The following DNAJC6 variants were observed in gnomAD, a reference collection of about 807,000 sequenced individuals.
The protein encoded by DNAJC6 is DnaJ heat shock protein family (Hsp40) member C6.
A neutral mutation model predicts 110.0 loss-of-function variants in DNAJC6; 34 were observed. That is an observed-to-expected ratio of 0.31 (90% CI 0.24 to 0.41). The LOEUF (loss-of-function observed/expected upper bound fraction) is 0.41, where lower values mean the gene tolerates loss of function less well. Among genes scored for constraint, DNAJC6 ranks in the 10% least tolerant of loss-of-function variants. The probability of loss-of-function intolerance (pLI) is 1.00; values close to 1 mark genes in which losing one functional copy is unlikely to be tolerated. For missense variants in DNAJC6, 1,031 were observed against 1,207.8 expected (o/e 0.85, Z 2.17); for synonymous variants, 406 against 437.2 (o/e 0.93, Z 0.89).
At chr1:65,348,337 AT>A (rs897181548) in intron 1 of DNAJC6, among the ~76,000 whole-genome samples, 1 of 152,178 alleles carries the variant, frequency 6.6e-6, no homozygotes, top group African/African-American at 2.4e-5. Context: ...GCAATGTAGT[AT>A]TGTTGTTCAA....
intron 1 of DNAJC6, among the ~76,000 whole-genome samples, chr1:65,328,422 C>A (rs558893649): frequency 6.6e-6 from 1 of 152,294 alleles, no homozygotes; most frequent in East Asian, 1.9e-4. Context: ...CCATTTCTCC[C>A]AGTGGTATAT....
intron 11 of DNAJC6, among the ~76,000 whole-genome samples, chr1:65,391,981 G>T (rs1645931585): frequency 6.6e-6 from 1 of 152,164 alleles, no homozygotes; most frequent in Non-Finnish European, 1.5e-5. Flanking sequence ...TTTTCACCAT[G>T]TTGGCCAAGC....
At chr1:65,407,571 T>C (rs1646088741) in intron 16 of DNAJC6, among the ~76,000 whole-genome samples, 1 of 152,212 alleles carries the variant, frequency 6.6e-6, no homozygotes, top group African/African-American at 2.4e-5. Flanking sequence ...AGGAATTCAG[T>C]TGTCGGGGAT....
intron 1 of DNAJC6, among the ~76,000 whole-genome samples, chr1:65,297,691 T>A (rs1268718359): frequency 6.6e-6 from 1 of 152,208 alleles, no homozygotes; most frequent in African/African-American, 2.4e-5. Flanking sequence ...CCTTCTTGCC[T>A]GAAACCAGAC....
intron 1 of DNAJC6, among the ~76,000 whole-genome samples, chr1:65,325,019 C>T (rs528513239): frequency 1.4e-4 from 22 of 152,210 alleles, no homozygotes; most frequent in East Asian, 7.7e-4. Flanking sequence ...ACTTAGTGGT[C>T]GGCCCTATAA....
At chr1:65,370,065 G>A (rs1645690968) in intron 4 of DNAJC6, among the ~76,000 whole-genome samples, 1 of 151,620 alleles carries the variant, frequency 6.6e-6, no homozygotes, top group Admixed American at 6.6e-5. Flanking sequence ...AATGTTTTTT[G>A]ACTCTTTATA....
chr1:65,383,071 T>C (rs1006710477), intron 5 of DNAJC6, among the ~76,000 whole-genome samples: 1 of 152,168 alleles, frequency 6.6e-6, no homozygotes, highest in African/African-American at 2.4e-5. Context: ...GGAATGAAAG[T>C]CAACTCAACA....
At chr1:65,330,755 C>T (rs943948807) in intron 1 of DNAJC6, among the ~76,000 whole-genome samples, 1 of 152,234 alleles carries the variant, frequency 6.6e-6, no homozygotes, top group African/African-American at 2.4e-5. Context: ...GCGTGTGCCA[C>T]CGCGCCCAGC....
intron 1 of DNAJC6, among the ~76,000 whole-genome samples, chr1:65,362,324 G>A (rs1419450372): frequency 6.6e-6 from 1 of 152,136 alleles, no homozygotes; most frequent in African/African-American, 2.4e-5. Context: ...CTACCAGATA[G>A]TAAGTGTTAT....
chr1:65,269,807 A>C (rs1653447993), intron 1 of DNAJC6, among the ~76,000 whole-genome samples: 1 of 152,152 alleles, frequency 6.6e-6, no homozygotes, highest in African/African-American at 2.4e-5. Context: ...TACACACTGG[A>C]AATCTGCAGG....
At position 65,413,662 on chromosome 1, in the gene DNAJC6, A is replaced by G. The variant is rs2101648562; in HGVS notation, c.*637A>G. 6.6e-6 allele frequency: 1 copy of G among 152,334 alleles called. No individual in the cohort carries two copies. Among genetic ancestry groups the G allele is most frequent in the South Asian group, 2.1e-4 (1 of 4,830 alleles). 9.4% of individuals were successfully genotyped at this position (152,334 alleles called of 1,614,324 possible). A position where few individuals can be genotyped will look rare whatever the true frequency, so the allele number is the denominator to read the frequency against. On this transcript the variant is annotated 3_prime_UTR_variant, in exon 19 of 19. Transcript: ENST00000371069. The stretch of plus-strand genomic sequence containing the variant: ...GTGATTACCACCAACTTTCTGACTA[A>G]GCTAAAAATGAATGAAAATGGTGGC...
At chr1:65,310,213 G>A (rs1182233627) in intron 1 of DNAJC6, among the ~76,000 whole-genome samples, 1 of 151,906 alleles carries the variant, frequency 6.6e-6, no homozygotes, top group Non-Finnish European at 1.5e-5. Context: ...GGGCGGGGAG[G>A]GGGAGGGAAG....
At chr1:65,357,878 T>C (rs1365538248) in intron 1 of DNAJC6, among the ~76,000 whole-genome samples, 1 of 152,146 alleles carries the variant, frequency 6.6e-6, no homozygotes, top group East Asian at 1.9e-4. Context: ...ATATTTTTAA[T>C]TGTAAAACTA....
intron 1 of DNAJC6, among the ~76,000 whole-genome samples, chr1:65,333,232 C>T (rs2101460447): frequency 6.6e-6 from 1 of 152,260 alleles, no homozygotes; most frequent in African/African-American, 2.4e-5. Context: ...TATTACTCAT[C>T]TGGGCTCAGC....
chr1:65,302,400 T>C (rs1231381694), intron 1 of DNAJC6, among the ~76,000 whole-genome samples: 1 of 149,014 alleles, frequency 6.7e-6, no homozygotes, highest in Non-Finnish European at 1.5e-5. Flanking sequence ...GTGGTACCAT[T>C]AACAGGTGAT....
At chr1:65,390,293 A>T (rs1297353836) in intron 11 of DNAJC6, among the ~76,000 whole-genome samples, 1 of 152,186 alleles carries the variant, frequency 6.6e-6, no homozygotes, top group Non-Finnish European at 1.5e-5. Flanking sequence ...ATATTATAAA[A>T]ATATCAAATC....
At chr1:65,310,041 G>T in intron 1 of DNAJC6, 103 bp downstream of exon 1, 1 of 1,325,376 alleles carries the variant, frequency 7.5e-7, no homozygotes, top group East Asian at 3.0e-5. Context: ...GCCCCGGTTT[G>T]CGAGAGAGCC....
chr1:65,331,993 G>A (rs967808325), intron 1 of DNAJC6, among the ~76,000 whole-genome samples: 19 of 152,154 alleles, frequency 1.2e-4, no homozygotes, highest in Admixed American at 2.6e-4. Context: ...GGGGGGGCCT[G>A]GACTTCTATT....
rs539589102 is a variant in DNAJC6 at position 65,373,368 on chromosome 1, A to G, written c.544-6034A>G. ...ATATGGAACCTTCATACTGTCCTCT[A>G]TGGTGATTGTACTAATTTACCTTCC... On this transcript the variant is annotated intron_variant, in intron 4 of 18. Transcript: ENST00000371069. Among the ~76,000 whole-genome samples, 22 of 152,166 alleles carry G rather than the reference A, an allele frequency of 1.4e-4. 1 individual carries two copies. The South Asian group carries it at 4.6e-3, about 32-fold the overall frequency.
Sources: allele counts gnomAD v4.1 joint callset (sites outside exome capture counted in the v4.1 genomes callset), GRCh38; gene constraint gnomAD v4.1.1; transcripts MANE v1.5; gene names NCBI Gene and HGNC (gene_info 2026-07-23, HGNC 2026-07-21).